The following NAALADL2 variants were observed in gnomAD, a reference collection of about 807,000 sequenced individuals.
The protein encoded by NAALADL2 is N-acetylated alpha-linked acidic dipeptidase like 2.
A neutral mutation model predicts 87.2 loss-of-function variants in NAALADL2; 76 were observed. The ratio of observed to expected loss-of-function variants is 0.87; its 90% CI spans 0.72 to 1.05. The LOEUF is 1.05. Among genes scored for constraint, NAALADL2 ranks in the 50% least tolerant of loss-of-function variants. The probability of loss-of-function intolerance (pLI) is 0.00; values close to 1 mark genes in which losing one functional copy is unlikely to be tolerated. For missense variants in NAALADL2, 1,089 were observed against 945.8 expected (o/e 1.15, Z -1.99); for synonymous variants, 354 against 331.0 (o/e 1.07, Z -0.75).
At chr3:175,660,720 A>G (rs1732135723) in intron 11 of NAALADL2, among the ~76,000 whole-genome samples, 1 of 151,792 alleles carries the variant, frequency 6.6e-6, no homozygotes, top group African/African-American at 2.4e-5. Flanking sequence ...TGTAAGACTC[A>G]CCTTTATAGC....
rs936240810 is a variant in NAALADL2 at position 175,730,517 on chromosome 3, G to C, written c.1897-6789G>C. On this transcript the variant is annotated intron_variant, in intron 11 of 13. Transcript: ENST00000454872. ...TCCTTAACTCTGTAAATAATCTGTT[G>C]CCTTGTTGCCTCATAGGGTGATATT... Among the ~76,000 whole-genome samples, 3 of 141,706 alleles carry C rather than the reference G, an allele frequency of 2.1e-5. No homozygotes were observed. The South Asian group carries it at 6.6e-4, about 31-fold the overall frequency. 93.0% of individuals were successfully genotyped at this position (141,706 alleles called of 152,430 possible). A position where few individuals can be genotyped will look rare whatever the true frequency, so the allele number is the denominator to read the frequency against.
chr3:174,490,181 A>G (rs535684806), intron 1 of NAALADL2, among the ~76,000 whole-genome samples: 57 of 152,266 alleles, frequency 3.7e-4, no homozygotes, highest in African/African-American at 1.3e-3. Flanking sequence ...ATGCAAGGAT[A>G]AATAAAATAG....
intron 2 of NAALADL2, among the ~76,000 whole-genome samples, chr3:174,607,733 C>A (rs1315933419): frequency 6.6e-6 from 1 of 152,086 alleles, no homozygotes; most frequent in Non-Finnish European, 1.5e-5. Context: ...TTTAACACCC[C>A]CCTGTCAACA....
chr3:174,642,740 GA>G (rs1209539508), intron 2 of NAALADL2, among the ~76,000 whole-genome samples: 46 of 115,202 alleles, frequency 4.0e-4, no homozygotes, highest in East Asian at 7.1e-4. Flanking sequence ...TCAGTGCCAT[GA>G]AAAAAAACAT....
At chr3:174,610,909 G>C (rs609624) in intron 2 of NAALADL2, among the ~76,000 whole-genome samples, 152,058 of 152,284 alleles carry the variant, frequency 1, 75,916 homozygotes, top group Middle Eastern at 1. Flanking sequence ...AGACTTGGCA[G>C]CAACCCAAAT....
chr3:174,754,266 AATGC>A (rs1711687987), intron 3 of NAALADL2, among the ~76,000 whole-genome samples: 1 of 136,222 alleles, frequency 7.3e-6, no homozygotes, highest in African/African-American at 3.1e-5. Context: ...ATGTTTTAAA[AATGC>A]ATATCAGGAA....
intron 5 of NAALADL2, among the ~76,000 whole-genome samples, chr3:175,341,652 T>C (rs1039227090): frequency 6.6e-6 from 1 of 152,130 alleles, no homozygotes. Flanking sequence ...CCAAGTTTTC[T>C]ATATCCTTTC....
intron 13 of NAALADL2, among the ~76,000 whole-genome samples, chr3:175,771,340 G>C (rs1035025072): frequency 1.3e-5 from 2 of 152,050 alleles, no homozygotes; most frequent in African/African-American, 4.8e-5. Flanking sequence ...GTAAATCAAA[G>C]GTTTTGTGAT....
chr3:174,686,658 C>A (rs1036692700), intron 2 of NAALADL2, among the ~76,000 whole-genome samples: 3 of 152,016 alleles, frequency 2.0e-5, no homozygotes, highest in African/African-American at 7.2e-5. Flanking sequence ...ACTATGTGAT[C>A]TTCGACAAAC....
Position 175,045,936 on chromosome 3 carries a change from C to A in NAALADL2, c.44-50854C>A, listed in dbSNP as rs1754613037. On this transcript the variant is annotated intron_variant, in intron 1 of 13. Coordinates refer to ENST00000454872, the MANE Select transcript of NAALADL2 (RefSeq NM_207015.3). ...CAGTCTGAAACAAAATTAATAAGTG[C>A]CTTGCTTCATAAGACATTCAGAGAT... 2.0e-5 allele frequency among the ~76,000 whole-genome samples: 3 copies of A among 152,014 alleles called. No individual in the cohort carries two copies. In the South Asian group the frequency reaches 6.2e-4, roughly 32 times the overall value.
At chr3:175,102,390 T>C (rs745666064) in intron 2 of NAALADL2, among the ~76,000 whole-genome samples, 9 of 152,204 alleles carry the variant, frequency 5.9e-5, no homozygotes, top group Non-Finnish European at 1.0e-4. Flanking sequence ...AAAAAGAATG[T>C]TGATAAAGGT....
chr3:174,909,548 T>C (rs896365450), intron 1 of NAALADL2, among the ~76,000 whole-genome samples: 2 of 152,136 alleles, frequency 1.3e-5, no homozygotes, highest in African/African-American at 4.8e-5. Context: ...CTTTATATCA[T>C]TATCCCTACT....
At chr3:175,516,056 T>C (rs1170781485) in intron 9 of NAALADL2, among the ~76,000 whole-genome samples, 3 of 152,220 alleles carry the variant, frequency 2.0e-5, no homozygotes, top group African/African-American at 7.2e-5. Context: ...ATAATGCCCA[T>C]TGGCAATTAC....
intron 3 of NAALADL2, among the ~76,000 whole-genome samples, chr3:174,762,984 T>G (rs1385583861): frequency 3.3e-5 from 5 of 152,124 alleles, no homozygotes; most frequent in African/African-American, 1.2e-4. Context: ...TTGATGTAAG[T>G]GGGAAGTTAC....
chr3:174,495,906 T>G lies in NAALADL2; in HGVS notation c.-183-54663T>G, dbSNP rs546443036. Among the ~76,000 whole-genome samples the G allele has an allele frequency of 2.0e-3, 312 of 152,304 alleles. 1 individual carries two copies. The highest frequency in any genetic ancestry group is 7.0e-3 in the African/African-American group (290 of 41,566). On this transcript the variant is annotated intron_variant, in intron 1 of 3. Transcript: ENST00000434257. The stretch of plus-strand genomic sequence containing the variant: ...TTCTTATGCATGCATACAGAAAACT[T>G]TGTATATAATTTCAGGATGTTCATA...
intron 3 of NAALADL2, among the ~76,000 whole-genome samples, chr3:174,823,312 C>T (rs1483935649): frequency 6.6e-6 from 1 of 151,664 alleles, no homozygotes; most frequent in African/African-American, 2.4e-5. Context: ...GTTGTTTTCT[C>T]ATTGCAAGAT....
intron 1 of NAALADL2, among the ~76,000 whole-genome samples, chr3:174,998,086 A>G (rs1209228458): frequency 1.3e-5 from 2 of 152,188 alleles, no homozygotes; most frequent in Non-Finnish European, 2.9e-5. Context: ...GTGAATGGGT[A>G]TCTGGATATA....
intron 1 of NAALADL2, among the ~76,000 whole-genome samples, chr3:174,966,250 T>A (rs1742845568): frequency 6.6e-6 from 1 of 152,184 alleles, no homozygotes; most frequent in Non-Finnish European, 1.5e-5. Context: ...GCCAAGCACT[T>A]AGATTTTCTC....
chr3:174,845,618 G>C (rs1724535549), intron 3 of NAALADL2, among the ~76,000 whole-genome samples: 1 of 152,206 alleles, frequency 6.6e-6, no homozygotes, highest in Non-Finnish European at 1.5e-5. Context: ...GTGTGTTCAG[G>C]CCAGGAAGTT....
Sources: gnomAD v4.1 joint callset for allele counts (sites outside exome capture counted in the v4.1 genomes callset) on GRCh38, gnomAD v4.1.1 for gene constraint, MANE v1.5 for transcripts, NCBI Gene and HGNC (gene_info 2026-07-23, HGNC 2026-07-21) for gene names.